Variants in ZFYVE16 observed in about 807,000 individuals in gnomAD.
The protein encoded by ZFYVE16 is zinc finger FYVE domain-containing protein 16.
Under a neutral mutation model 138.1 loss-of-function variants are expected in ZFYVE16, and 89 were observed. The ratio of observed to expected loss-of-function variants is 0.64; its 90% CI spans 0.54 to 0.77. The LOEUF (loss-of-function observed/expected upper bound fraction) is 0.77. Ranked by LOEUF, ZFYVE16 falls within the 30% of genes least tolerant of loss-of-function variation. The pLI, the probability that ZFYVE16 is intolerant of heterozygous loss-of-function variation, is 0.00. For missense variants in ZFYVE16, 1,793 were observed against 1,786.7 expected (o/e 1.00, Z -0.06); for synonymous variants, 596 against 618.3 (o/e 0.96, Z 0.53).
chr5:80,412,913 G>A lies in ZFYVE16; in HGVS notation c.-94+4760G>A, dbSNP rs189250487. On this transcript the variant is annotated intron_variant, in intron 1 of 18. Coordinates refer to ENST00000505560, the MANE Select transcript of ZFYVE16 (RefSeq NM_001284236.3). Reference sequence around the variant, plus strand: ...AAACTGTCTGGGTGTGGTGGCTCACGCCTGTAATCCCAGCACTTTGGGAGG... The same window carrying A: ...AAACTGTCTGGGTGTGGTGGCTCACACCTGTAATCCCAGCACTTTGGGAGG... 8.3e-4 allele frequency among the ~76,000 whole-genome samples: 126 copies of A among 152,306 alleles called. 1 individual carries two copies. Among genetic ancestry groups the A allele is most frequent in the African/African-American group, 7.0e-4 (29 of 41,572 alleles).
chr5:80,474,063 G>C (rs1384397958), intron 17 of ZFYVE16, among the ~76,000 whole-genome samples: 1 of 152,174 alleles, frequency 6.6e-6, no homozygotes, highest in Non-Finnish European at 1.5e-5. Flanking sequence ...ATCAAATGGT[G>C]GTACTGCCTG....
chr5:80,416,042 G>GT (rs2112168629), intron 1 of ZFYVE16, among the ~76,000 whole-genome samples: 1 of 152,272 alleles, frequency 6.6e-6, no homozygotes, highest in Admixed American at 6.5e-5. Flanking sequence ...TTTGAAGTTA[G>GT]TATTTTCTTT....
rs777566998 is a variant in ZFYVE16, at chr5:80,443,165, T to G, written c.2462T>G (p.Leu821Arg). 13 of 1,599,380 alleles carry G rather than the reference T, an allele frequency of 8.1e-6. No homozygotes were observed. Among genetic ancestry groups the G allele is most frequent in the Non-Finnish European group, 1.1e-5 (13 of 1,176,598 alleles). The change falls in exon 6 of 19, where the codon CTT (leucine) becomes CGT (arginine). Residue 821 changes from leucine to arginine, a missense_variant. By Grantham distance (102) the Leu-to-Arg change is moderately radical. Around this residue, in one of 2 missense-constraint regions of ZFYVE16, gnomAD observed 1,295 missense variants for 1,204.3 expected, o/e 1.08. Coordinates refer to ENST00000505560, the MANE Select transcript of ZFYVE16 (RefSeq NM_001284236.3). ...ATGATGAGTCCAACTGGTTCTAATC[T>G]TAAGTCTAATCATTCTGATGAATGT... ...ERMMSPTGSN[L>R]KSNHSDECTT...
At chr5:80,443,500 A>G (rs1257534177) in intron 6 of ZFYVE16, among the ~76,000 whole-genome samples, 1 of 152,162 alleles carries the variant, frequency 6.6e-6, no homozygotes, top group Non-Finnish European at 1.5e-5. Context: ...AGCAACCACC[A>G]CAACTGGAGT....
rs529675150 is a variant in ZFYVE16, at chr5:80,413,527, T to G, written c.-94+5374T>G. On this transcript the variant is annotated intron_variant, in intron 1 of 18. Coordinates refer to ENST00000505560, the MANE Select transcript of ZFYVE16 (RefSeq NM_001284236.3). ...AAACAACAATCTTCTGCCCCAGTCCTTCTCACCCCTGAATCCCACTCTCCA... is the reference window on the plus strand; with the variant it reads ...AAACAACAATCTTCTGCCCCAGTCCGTCTCACCCCTGAATCCCACTCTCCA... 1.8e-4 allele frequency among the ~76,000 whole-genome samples: 28 copies of G among 151,588 alleles called. No homozygotes were observed. In the East Asian group the frequency reaches 5.2e-3, roughly 28 times the overall value.
rs1220031617 is a variant in ZFYVE16, at chr5:80,480,426, C to G, written c.*3049C>G. ...TATTCACAGTGCACCATGGGAGAAACAGCTGGAAAAAAAAACAGAAGACCT... is the reference window on the plus strand; with the variant it reads ...TATTCACAGTGCACCATGGGAGAAAGAGCTGGAAAAAAAAACAGAAGACCT... On this transcript the variant is annotated 3_prime_UTR_variant, in exon 19 of 19. Transcript: ENST00000505560. Among the ~76,000 whole-genome samples the G allele has an allele frequency of 1.6e-5, 1 of 61,106 alleles. No homozygotes were observed. The highest frequency in any genetic ancestry group is 3.0e-5 in the African/African-American group (1 of 32,844). The allele number at this position is 61,106 out of a possible 152,430, so 40.1% of individuals were successfully genotyped here.
intron 17 of ZFYVE16, 53 bp from the exon 18 acceptor site, chr5:80,474,610 C>A (rs552617812): frequency 2.6e-6 from 4 of 1,512,838 alleles, no homozygotes; most frequent in Admixed American, 2.0e-5. Context: ...GCAATTGTTG[C>A]ATTTTAAAGT....
chr5:80,416,155 T>C (rs977284461), intron 1 of ZFYVE16, among the ~76,000 whole-genome samples: 1 of 152,148 alleles, frequency 6.6e-6, no homozygotes, highest in Admixed American at 6.5e-5. Context: ...AAATAAATTA[T>C]TTGGATTTTT....
intron 15 of ZFYVE16, among the ~76,000 whole-genome samples, chr5:80,464,846 A>G (rs1007905434): frequency 1.3e-5 from 2 of 152,178 alleles, no homozygotes; most frequent in African/African-American, 4.8e-5. Context: ...AGTTGTTGCC[A>G]TAGACATTAC....
Position 80,450,411 on chromosome 5 carries a change from A to G in ZFYVE16, c.3227-20A>G, listed in dbSNP as rs368068446. ...CTAATAGAAGTTGACATTAATAGTT[A>G]TATTCTTTTATCATCTAAGATTCCT... On this transcript the variant is annotated intron_variant, in intron 9 of 18. Coordinates refer to ENST00000505560, the MANE Select transcript of ZFYVE16 (RefSeq NM_001284236.3). 2 of 1,607,454 alleles carry G rather than the reference A, an allele frequency of 1.2e-6. No individual in the cohort carries two copies. Among genetic ancestry groups the G allele is most frequent in the African/African-American group, 2.7e-5 (2 of 74,670 alleles).
intron 13 of ZFYVE16, 147 bp from the exon 14 acceptor site, chr5:80,456,798 A>C (rs1752572898): frequency 2.9e-6 from 3 of 1,037,078 alleles, no homozygotes; most frequent in Non-Finnish European, 4.1e-6. Context: ...CTTTTATTTT[A>C]AAACATTTGT....
Position 80,434,122 on chromosome 5 carries a change from A to G in ZFYVE16, c.-26A>G. The G allele has an allele frequency of 6.2e-7, 1 of 1,603,262 alleles. No individual in the cohort carries two copies. On this transcript the variant is annotated 5_prime_UTR_variant, in exon 3 of 19. Coordinates refer to ENST00000505560, the MANE Select transcript of ZFYVE16 (RefSeq NM_001284236.3). The stretch of plus-strand genomic sequence containing the variant: ...TCTATTTTTTAGGCATACAAGAATT[A>G]AATTCTGAATAAGTCTGCAGGTAGG...
At chr5:80,446,296 A>G (rs1751345199) in intron 7 of ZFYVE16, among the ~76,000 whole-genome samples, 1 of 152,194 alleles carries the variant, frequency 6.6e-6, no homozygotes. Flanking sequence ...AAAGTGCTAT[A>G]GATTTCGTGG....
At chr5:80,440,129 A>T in intron 5 of ZFYVE16, 97 bp downstream of exon 5, 1 of 1,426,836 alleles carries the variant, frequency 7.0e-7, no homozygotes, top group Non-Finnish European at 9.2e-7. Flanking sequence ...TTCTTAAGGC[A>T]AGGACCTAGT....
chr5:80,438,564 A>G lies in ZFYVE16; in HGVS notation c.1879A>G (p.Lys627Glu). The G allele has an allele frequency of 6.2e-7, 1 of 1,614,154 alleles. No individual in the cohort carries two copies. Among genetic ancestry groups the G allele is most frequent in the Non-Finnish European group, 8.5e-7 (1 of 1,179,992 alleles). Residue 627 changes from lysine to glutamate, a missense_variant, in exon 4 of 19, where the codon AAG (lysine) becomes GAG (glutamate). Coordinates refer to ENST00000505560, the MANE Select transcript of ZFYVE16 (RefSeq NM_001284236.3). ...AGTTCAACAAGGGTTACCTACCAGT[A>G]AGTCTGAGATTACAAATCAATTATC... The part of the protein sequence containing the change: ...IPVQQGLPTS[K>E]SEITNQLSVS...
chr5:80,473,601 A>G (rs1388050425), intron 16 of ZFYVE16, among the ~76,000 whole-genome samples, 153 bp from the exon 17 acceptor site: 1 of 152,252 alleles, frequency 6.6e-6, no homozygotes. Context: ...AAATCTTGGT[A>G]AATGAATGTG....
chr5:80,444,458 T>C (rs1267474725), intron 6 of ZFYVE16, among the ~76,000 whole-genome samples: 4 of 151,856 alleles, frequency 2.6e-5, no homozygotes, highest in Non-Finnish European at 5.9e-5. Context: ...TTTTTTTTTT[T>C]TTAAAGTATT....
At position 80,450,471 on chromosome 5, in the gene ZFYVE16, G is replaced by A. The variant is rs777851797; in HGVS notation, c.3267G>A (p.Leu1089=). 6.2e-7 allele frequency: 1 copy of A among 1,613,578 alleles called. No individual in the cohort carries two copies. Among genetic ancestry groups the A allele is most frequent in the Non-Finnish European group, 8.5e-7 (1 of 1,179,702 alleles). ...DKYWYFSTNG[L]HGLGQAEIII... ...ATTGGTACTTTTCAACCAATGGATT[G>A]CATGGCTTGGGACAGGCAGAAATTA... Residue 1089 remains leucine, a synonymous_variant, in exon 10 of 19, where the codon TTG becomes TTA. Coordinates refer to ENST00000505560, the MANE Select transcript of ZFYVE16 (RefSeq NM_001284236.3).
chr5:80,470,102 T>TGTG (rs1491134484), intron 15 of ZFYVE16, among the ~76,000 whole-genome samples: 1 of 20,294 alleles, frequency 4.9e-5, no homozygotes, highest in African/African-American at 7.6e-5. Context: ...TGTGTGTGTA[T>TGTG]TTTTTTTTTT....
Sources: gnomAD v4.1 joint callset for allele counts (sites outside exome capture counted in the v4.1 genomes callset) on GRCh38, gnomAD v4.1.1 for gene constraint, gnomAD v4.1.1 regional missense constraint, MANE v1.5 for transcripts, NCBI Gene and HGNC (gene_info 2026-07-23, HGNC 2026-07-21) for gene names.